NRG3: variants seen among roughly 807,000 people sequenced by gnomAD.
NRG3 encodes pro-neuregulin-3, membrane-bound isoform.
In NRG3, 31 loss-of-function variants were observed where a neutral mutation model predicts 66.9. The observed-to-expected ratio is 0.46, with a 90% CI of 0.35 to 0.63. NRG3 has a LOEUF of 0.63. Ranked by LOEUF, NRG3 falls within the 20% of genes least tolerant of loss-of-function variation. NRG3 has a pLI of 0.00. For synonymous variants in NRG3, 393 were observed against 359.4 expected, an observed-to-expected ratio of 1.09 and a Z score of -1.06; for missense variants, 910 against 878.9, an observed-to-expected ratio of 1.04 and a Z score of -0.45.
chr10:82,163,922 AT>A (rs555595801), intron 1 of NRG3, among the ~76,000 whole-genome samples: 14,606 of 148,214 alleles, frequency 0.099, 864 homozygotes, highest in African/African-American at 0.17. Context: ...CTCTCTTAAA[AT>A]TTTTTTTTTT....
intron 1 of NRG3, among the ~76,000 whole-genome samples, chr10:81,913,344 CTTT>C (rs1845356198): frequency 6.6e-6 from 1 of 152,094 alleles, no homozygotes; most frequent in Non-Finnish European, 1.5e-5. Context: ...CTATTACTGT[CTTT>C]TTAAGTTCTT....
At chr10:82,852,369 G>A (rs2135844731) in intron 3 of NRG3, among the ~76,000 whole-genome samples, 1 of 152,210 alleles carries the variant, frequency 6.6e-6, no homozygotes, top group Middle Eastern at 3.4e-3. Flanking sequence ...TAGATGGCAG[G>A]TTGACAGGTG....
chr10:82,458,065 T>C (rs1438693094), intron 2 of NRG3, among the ~76,000 whole-genome samples: 3 of 152,196 alleles, frequency 2.0e-5, no homozygotes, highest in Non-Finnish European at 2.9e-5. Flanking sequence ...AGTCTGCCAC[T>C]GGGCCTCAGG....
At chr10:81,974,388 A>G (rs1470739039) in intron 1 of NRG3, among the ~76,000 whole-genome samples, 2 of 152,200 alleles carry the variant, frequency 1.3e-5, no homozygotes, top group Non-Finnish European at 2.9e-5. Flanking sequence ...ATACCGAGCC[A>G]AGCTTGTTAT....
chr10:82,944,278 G>A (rs538181405), intron 4 of NRG3, among the ~76,000 whole-genome samples: 1 of 152,208 alleles, frequency 6.6e-6, no homozygotes, highest in Admixed American at 6.5e-5. Flanking sequence ...AATGTTATGT[G>A]GAAATAATTC....
intron 2 of NRG3, among the ~76,000 whole-genome samples, chr10:82,584,496 G>A (rs1000972257): frequency 1.3e-5 from 2 of 152,312 alleles, no homozygotes; most frequent in Middle Eastern, 3.4e-3. Flanking sequence ...AGATATTAAT[G>A]TGTATAAATT....
intron 1 of NRG3, among the ~76,000 whole-genome samples, chr10:81,928,774 A>G (rs1439703585): frequency 6.6e-6 from 1 of 152,220 alleles, no homozygotes; most frequent in Admixed American, 6.5e-5. Flanking sequence ...ATATATCTCT[A>G]TGTACTGAAA....
chr10:81,926,978 A>G (rs1024958049), intron 1 of NRG3, among the ~76,000 whole-genome samples: 6 of 152,204 alleles, frequency 3.9e-5, no homozygotes, highest in African/African-American at 1.4e-4. Flanking sequence ...ATTTTATGGC[A>G]TTGCGTGTGG....
chr10:82,621,482 T>A (rs1590908586), intron 2 of NRG3, among the ~76,000 whole-genome samples: 2 of 152,192 alleles, frequency 1.3e-5, no homozygotes, highest in African/African-American at 4.8e-5. Context: ...ATTGGCTGCA[T>A]GCAAAACAGC....
Position 82,836,702 on chromosome 10 carries a change from T to A in NRG3, c.1028-28709T>A, listed in dbSNP as rs374213440. 1.5e-4 allele frequency among the ~76,000 whole-genome samples: 23 copies of A among 151,820 alleles called. No homozygotes were observed. In the East Asian group the frequency reaches 3.5e-3, roughly 23 times the overall value. On this transcript the variant is annotated intron_variant, in intron 3 of 8. Coordinates refer to ENST00000372141, the MANE Select transcript of NRG3 (RefSeq NM_001010848.4). The stretch of plus-strand genomic sequence containing the variant: ...CAAATACTGTGCCATTTTCTTTTTT[T>A]ATTTTATTTTATTTTTTTATTTTTA...
chr10:82,467,878 T>C (rs1294844985), intron 2 of NRG3, among the ~76,000 whole-genome samples: 1 of 152,188 alleles, frequency 6.6e-6, no homozygotes, highest in Non-Finnish European at 1.5e-5. Flanking sequence ...ACGAGTAATA[T>C]GGCCTTTGTG....
intron 3 of NRG3, among the ~76,000 whole-genome samples, chr10:82,832,033 T>C (rs1046571404): frequency 6.6e-6 from 1 of 152,172 alleles, no homozygotes; most frequent in African/African-American, 2.4e-5. Flanking sequence ...GCCTGACTCT[T>C]AGATGTTGCC....
chr10:82,967,197 CAT>C (rs1224051319), intron 6 of NRG3, among the ~76,000 whole-genome samples: 13 of 149,086 alleles, frequency 8.7e-5, no homozygotes, highest in Non-Finnish European at 1.3e-4. Context: ...CTACTTAAGA[CAT>C]ATTTAAATAA....
At chr10:82,044,397 G>A (rs1165163056) in intron 1 of NRG3, among the ~76,000 whole-genome samples, 1 of 151,778 alleles carries the variant, frequency 6.6e-6, no homozygotes, top group Admixed American at 6.6e-5. Context: ...CTGGAACAAT[G>A]TAGACATGCC....
chr10:82,521,982 C>T (rs1846231732), intron 2 of NRG3, among the ~76,000 whole-genome samples: 1 of 151,920 alleles, frequency 6.6e-6, no homozygotes, highest in Non-Finnish European at 1.5e-5. Context: ...GGCTCTACCC[C>T]TAACTCTAGT....
chr10:82,704,713 G>C (rs2056156614), intron 2 of NRG3, among the ~76,000 whole-genome samples: 1 of 152,012 alleles, frequency 6.6e-6, no homozygotes, highest in African/African-American at 2.4e-5. Flanking sequence ...CCACTATCAG[G>C]CTATTGGCAT....
At chr10:81,912,042 A>C (rs542888947) in intron 1 of NRG3, among the ~76,000 whole-genome samples, 119 of 152,328 alleles carry the variant, frequency 7.8e-4, no homozygotes, top group Non-Finnish European at 9.3e-4. Flanking sequence ...ACTCACCAGA[A>C]AAAAACAATC....
intron 2 of NRG3, among the ~76,000 whole-genome samples, chr10:82,370,978 TCA>T (rs1283958035): frequency 6.7e-6 from 1 of 149,002 alleles, no homozygotes; most frequent in East Asian, 2.0e-4. Context: ...ACACACACAT[TCA>T]CACACATGCA....
chr10:81,957,658 T>C lies in NRG3; in HGVS notation c.823+81495T>C, dbSNP rs568440912. ...CTGGCATGTACCAGTGATCAGCATT[T>C]GCTTCTGGATAGGAGCAATTACATC... On this transcript the variant is annotated intron_variant, in intron 1 of 8. Coordinates refer to ENST00000372141, the MANE Select transcript of NRG3 (RefSeq NM_001010848.4). 2.6e-5 allele frequency among the ~76,000 whole-genome samples: 4 copies of C among 152,362 alleles called. No homozygotes were observed. In the South Asian group the frequency reaches 8.3e-4, roughly 32 times the overall value.
Sources: allele counts gnomAD v4.1 joint callset (sites outside exome capture counted in the v4.1 genomes callset), GRCh38; gene constraint gnomAD v4.1.1; transcripts MANE v1.5; gene names NCBI Gene and HGNC (gene_info 2026-07-23, HGNC 2026-07-21).